Variants in GALNT13 observed in about 807,000 individuals in gnomAD.
GALNT13 encodes the protein polypeptide N-acetylgalactosaminyltransferase 13.
A neutral mutation model predicts 64.2 loss-of-function variants in GALNT13; 28 were observed. The observed-to-expected ratio is 0.44, with a 90% CI of 0.32 to 0.60. The LOEUF (loss-of-function observed/expected upper bound fraction) is 0.60, where lower values mean the gene tolerates loss of function less well. Among genes scored for constraint, GALNT13 ranks in the 20% least tolerant of loss-of-function variants. The pLI is 0.05. For synonymous variants in GALNT13, 214 were observed against 224.6 expected (o/e 0.95, Z 0.42); for missense variants, 577 against 669.8 (o/e 0.86, Z 1.53).
chr2:153,905,577 T>C (rs1383796927), intron 2 of GALNT13, among the ~76,000 whole-genome samples: 1 of 152,018 alleles, frequency 6.6e-6, no homozygotes, highest in Non-Finnish European at 1.5e-5. Context: ...GATAATACAA[T>C]GCCTACATGA....
At chr2:153,396,348 T>A in the GALNT13 span, among the ~76,000 whole-genome samples, 88 of 152,058 alleles carry the variant, frequency 5.8e-4, no homozygotes, top group African/African-American at 2.0e-3. Context: ...ACCTATTAAA[T>A]GGGAAAGGGA....
At chr2:153,715,022 C>T in the GALNT13 span, among the ~76,000 whole-genome samples, 1 of 152,010 alleles carries the variant, frequency 6.6e-6, no homozygotes, top group Non-Finnish European at 1.5e-5. Context: ...TCTGAAGTAG[C>T]TCACTCTCTC....
chr2:153,971,190 C>T (rs1403864419), intron 3 of GALNT13, among the ~76,000 whole-genome samples: 1 of 152,112 alleles, frequency 6.6e-6, no homozygotes, highest in Non-Finnish European at 1.5e-5. Context: ...TCACCTTATT[C>T]AGGCATTATC....
chr2:153,256,785 C>T, the GALNT13 span, among the ~76,000 whole-genome samples: 460 of 152,288 alleles, frequency 3.0e-3, 3 homozygotes, highest in African/African-American at 0.01. Context: ...GTCAGGGACC[C>T]CCTTGAGGAG....
chr2:153,980,212 A>G (rs1694367747), intron 3 of GALNT13, among the ~76,000 whole-genome samples: 1 of 152,190 alleles, frequency 6.6e-6, no homozygotes, highest in African/African-American at 2.4e-5. Flanking sequence ...CATTGTAGAC[A>G]ATATTAAGAG....
intron 3 of GALNT13, among the ~76,000 whole-genome samples, chr2:154,058,683 T>C (rs1700024238): frequency 6.6e-6 from 1 of 152,180 alleles, no homozygotes; most frequent in Non-Finnish European, 1.5e-5. Context: ...ATGTCTGCTG[T>C]GTTTGAAGAG....
the GALNT13 span, among the ~76,000 whole-genome samples, chr2:153,270,111 T>C: frequency 6.6e-6 from 1 of 152,230 alleles, no homozygotes; most frequent in Non-Finnish European, 1.5e-5. Flanking sequence ...ATCCATTTTC[T>C]AAGATATAGA....
intron 12 of GALNT13, chr2:154,446,616 A>G (rs1187152230): frequency 6.5e-7 from 1 of 1,548,302 alleles, no homozygotes; most frequent in East Asian, 2.4e-5. Context: ...CTCAGTGAAC[A>G]AAGTAGCTGA....
At chr2:154,320,421 G>A (rs1426661895) in intron 9 of GALNT13, among the ~76,000 whole-genome samples, 1 of 152,138 alleles carries the variant, frequency 6.6e-6, no homozygotes, top group Non-Finnish European at 1.5e-5. Context: ...GAGAAAGTAA[G>A]CAATTAATTG....
the GALNT13 span, among the ~76,000 whole-genome samples, chr2:153,557,789 AC>A: frequency 1.3e-5 from 2 of 152,076 alleles, no homozygotes; most frequent in African/African-American, 4.8e-5. Flanking sequence ...TCATCCTCAA[AC>A]TTCATCTAAC....
chr2:154,294,346 G>A (rs1427192353), intron 8 of GALNT13, among the ~76,000 whole-genome samples: 1 of 152,190 alleles, frequency 6.6e-6, no homozygotes, highest in African/African-American at 2.4e-5. Flanking sequence ...TACATGTCAG[G>A]AGAATAACAT....
intron 8 of GALNT13, among the ~76,000 whole-genome samples, chr2:154,290,169 C>T (rs1272303716): frequency 6.6e-6 from 1 of 152,174 alleles, no homozygotes; most frequent in Non-Finnish European, 1.5e-5. Context: ...GGAGAGCCCA[C>T]TCTCCCATTC....
the GALNT13 span, among the ~76,000 whole-genome samples, chr2:153,273,785 A>G: frequency 6.6e-6 from 1 of 152,194 alleles, no homozygotes; most frequent in Non-Finnish European, 1.5e-5. Flanking sequence ...ATCAAATGTC[A>G]TATCTGTTGG....
At chr2:153,878,386 T>C (rs562861010) in intron 1 of GALNT13, among the ~76,000 whole-genome samples, 1 of 152,318 alleles carries the variant, frequency 6.6e-6, no homozygotes, top group East Asian at 1.9e-4. Flanking sequence ...TGCTGCCTAC[T>C]CTATGCACCC....
chr2:153,258,964 G>A, the GALNT13 span, among the ~76,000 whole-genome samples: 2 of 152,142 alleles, frequency 1.3e-5, no homozygotes, highest in Non-Finnish European at 1.5e-5. Context: ...GATTAGGTCC[G>A]TTTGGTCTAC....
the GALNT13 span, among the ~76,000 whole-genome samples, chr2:153,610,739 A>G: frequency 2.6e-5 from 4 of 152,184 alleles, no homozygotes; most frequent in Admixed American, 2.0e-4. Flanking sequence ...TGTATATAAT[A>G]AATGTAGCTA....
chr2:154,082,354 A>C (rs2105417152), intron 3 of GALNT13, among the ~76,000 whole-genome samples: 1 of 151,678 alleles, frequency 6.6e-6, no homozygotes, highest in South Asian at 2.1e-4. Flanking sequence ...AAATCTCTTA[A>C]TTTTTAGTTC....
At chr2:153,331,531 AAAGTGAAGAACTTGGGGTCC>A in the GALNT13 span, among the ~76,000 whole-genome samples, 1 of 152,184 alleles carries the variant, frequency 6.6e-6, no homozygotes, top group Non-Finnish European at 1.5e-5. Flanking sequence ...CCGAGCCCCA[AAAGTGAAGAACTTGGGGTCC>A]AATGTTCGAG....
chr2:153,737,520 C>T, the GALNT13 span, among the ~76,000 whole-genome samples: 1 of 151,894 alleles, frequency 6.6e-6, no homozygotes, highest in Non-Finnish European at 1.5e-5. Context: ...AGGTTGCATA[C>T]ATTCATTATA....
Sources: allele counts gnomAD v4.1 joint callset (sites outside exome capture counted in the v4.1 genomes callset), GRCh38; gene constraint gnomAD v4.1.1; transcripts MANE v1.5; gene names NCBI Gene and HGNC (gene_info 2026-07-23, HGNC 2026-07-21).